The following XPNPEP3 variants were observed in gnomAD, a reference collection of about 807,000 sequenced individuals.
The protein encoded by XPNPEP3 is xaa-Pro aminopeptidase 3.
Under a neutral mutation model 60.0 loss-of-function variants are expected in XPNPEP3, and 41 were observed. The observed-to-expected ratio is 0.68, with a 90% CI of 0.53 to 0.89. The LOEUF (loss-of-function observed/expected upper bound fraction) is 0.89, where lower values mean the gene tolerates loss of function less well. Among genes scored for constraint, XPNPEP3 ranks in the 40% least tolerant of loss-of-function variants. The pLI, the probability that XPNPEP3 is intolerant of heterozygous loss-of-function variation, is 0.00. For synonymous variants in XPNPEP3, 212 were observed against 223.2 expected (o/e 0.95, Z 0.45); for missense variants, 598 against 638.9 (o/e 0.94, Z 0.69).
At chr22:40,899,837 AG>A (rs56393996) in intron 4 of XPNPEP3, among the ~76,000 whole-genome samples, 46,390 of 135,628 alleles carry the variant, frequency 0.34, 9,128 homozygotes, top group East Asian at 0.68. Flanking sequence ...AAAAAAAAAA[AG>A]GAATGAAGTT....
chr22:40,910,707 A>T (rs768171971), intron 6 of XPNPEP3, among the ~76,000 whole-genome samples: 10 of 151,874 alleles, frequency 6.6e-5, no homozygotes, highest in Non-Finnish European at 1.5e-4. Flanking sequence ...CCCTGTCTTT[A>T]AAAAAAATAA....
chr22:40,926,745 G>T lies in XPNPEP3; in HGVS notation c.*310G>T. ...TGGTTACACATGTCCATGCATTCCA[G>T]TTAACACATTTAAACATATAGAAAA... On this transcript the variant is annotated 3_prime_UTR_variant, in exon 10 of 10. Coordinates refer to ENST00000357137, the MANE Select transcript of XPNPEP3 (RefSeq NM_022098.4). 1 of 401,644 alleles carries T rather than the reference G, an allele frequency of 2.5e-6. No homozygotes were observed. The allele number at this position is 401,644 out of a possible 1,614,324, so 24.9% of individuals were successfully genotyped here. A position where few individuals can be genotyped will look rare whatever the true frequency, so the allele number is the denominator to read the frequency against.
rs114083718 is a variant in XPNPEP3, at chr22:40,877,350, A to G, written c.182-4420A>G. Among the ~76,000 whole-genome samples the G allele has an allele frequency of 7.7e-3, 1,168 of 152,346 alleles. 17 individuals carry two copies. Among genetic ancestry groups the G allele is most frequent in the African/African-American group, 0.027 (1,115 of 41,566 alleles). ...AATATTAAGCAGACTTCTTTTCAAA[A>G]TCAGACCATGTTAAAATTCTAATCT... On this transcript the variant is annotated intron_variant, in intron 2 of 9. Transcript: ENST00000357137.
At chr22:40,860,509 G>A (rs1026221495) in intron 1 of XPNPEP3, 1 of 576,058 alleles carries the variant, frequency 1.7e-6, no homozygotes, top group Non-Finnish European at 2.7e-6. Context: ...GTCTGAACCT[G>A]TGTGTCTTGA....
In XPNPEP3 at chr22:40,928,066, C is replaced by T. The variant is rs2058241410; in HGVS notation, c.*1631C>T. The T allele has an allele frequency of 6.6e-6, 1 of 152,048 alleles. No homozygotes were observed. Among genetic ancestry groups the T allele is most frequent in the Non-Finnish European group, 1.5e-5 (1 of 68,042 alleles). The allele number at this position is 152,048 out of a possible 1,614,324, so 9.4% of individuals were successfully genotyped here. ...GCGCCCAGTTTTCAGAGAAGTACCC[C>T]TGTTATCATTCTGTGATTTCCTCTA... On this transcript the variant is annotated 3_prime_UTR_variant, in exon 10 of 10. Coordinates refer to ENST00000357137, the MANE Select transcript of XPNPEP3 (RefSeq NM_022098.4).
chr22:40,891,535 C>T (rs1215455144), intron 4 of XPNPEP3, among the ~76,000 whole-genome samples: 3 of 152,134 alleles, frequency 2.0e-5, no homozygotes, highest in East Asian at 1.9e-4. Flanking sequence ...CGCCTGTAGT[C>T]CCAGCTACTT....
chr22:40,868,670 C>T (rs1429330329), intron 1 of XPNPEP3, among the ~76,000 whole-genome samples: 2 of 151,972 alleles, frequency 1.3e-5, no homozygotes, highest in Non-Finnish European at 2.9e-5. Flanking sequence ...GCCTGGCCAA[C>T]AGGATTAAAC....
At chr22:40,893,459 A>G (rs2058096107) in intron 4 of XPNPEP3, among the ~76,000 whole-genome samples, 1 of 141,696 alleles carries the variant, frequency 7.1e-6, no homozygotes, top group Admixed American at 7.3e-5. Context: ...CAGCCGAGAT[A>G]GCGCCATTGC....
intron 7 of XPNPEP3, among the ~76,000 whole-genome samples, chr22:40,919,143 G>A (rs1703807969): frequency 6.6e-6 from 1 of 152,100 alleles, no homozygotes; most frequent in African/African-American, 2.4e-5. Flanking sequence ...TTTTAAAGCT[G>A]AAAAGTACAT....
chr22:40,897,369 C>T (rs902092041), intron 4 of XPNPEP3, among the ~76,000 whole-genome samples: 15 of 152,042 alleles, frequency 9.9e-5, no homozygotes, highest in Non-Finnish European at 2.9e-5. Context: ...TGGGTTGTTT[C>T]CATCTTTTGG....
At chr22:40,895,158 A>G (rs1000634369) in intron 4 of XPNPEP3, among the ~76,000 whole-genome samples, 7 of 152,102 alleles carry the variant, frequency 4.6e-5, no homozygotes, top group African/African-American at 1.7e-4. Flanking sequence ...AATAATTGAA[A>G]GGAGGGATCC....
In XPNPEP3 at chr22:40,861,200, A is replaced by G. The variant is rs780386714; in HGVS notation, c.64+3955A>G. 1.1e-5 allele frequency: 17 copies of G among 1,613,872 alleles called. No homozygotes were observed. The South Asian group carries it at 1.9e-4, about 18-fold the overall frequency. ...TAACCCAAGATATACCTCCCTCATC[A>G]TTGTCCACGAAAGTATATTGAGATA... On this transcript the variant is annotated intron_variant, in intron 1 of 9. Transcript: ENST00000357137.
chr22:40,891,521 C>G (rs974702042), intron 4 of XPNPEP3, among the ~76,000 whole-genome samples: 2 of 151,854 alleles, frequency 1.3e-5, no homozygotes, highest in African/African-American at 2.4e-5. Context: ...GGCGTGGTGG[C>G]GGGCGCCTGT....
chr22:40,877,019 G>A (rs1206333741), intron 2 of XPNPEP3, among the ~76,000 whole-genome samples: 1 of 152,160 alleles, frequency 6.6e-6, no homozygotes, highest in African/African-American at 2.4e-5. Context: ...TGCTCCTCCA[G>A]TCAGTCTCCA....
chr22:40,906,420 C>CAA (rs11440795), intron 4 of XPNPEP3, among the ~76,000 whole-genome samples: 3,410 of 104,940 alleles, frequency 0.032, 142 homozygotes, highest in African/African-American at 0.11. Flanking sequence ...GACTCTGTCT[C>CAA]AAAAAAAAAA....
intron 6 of XPNPEP3, 43 bp from the exon 7 acceptor site, chr22:40,914,196 A>G: frequency 6.5e-7 from 1 of 1,537,224 alleles, no homozygotes. Context: ...AACAACTTAT[A>G]ATCATGAGCT....
At chr22:40,904,460 C>T (rs139639139) in intron 4 of XPNPEP3, among the ~76,000 whole-genome samples, 112 of 152,242 alleles carry the variant, frequency 7.4e-4, no homozygotes, top group Admixed American at 3.2e-3. Context: ...ATCGCTTGAG[C>T]CCAGGAGTTC....
At chr22:40,860,533 T>C (rs2145764427) in intron 1 of XPNPEP3, 1 of 751,214 alleles carries the variant, frequency 1.3e-6, no homozygotes, top group Non-Finnish European at 1.9e-6. Flanking sequence ...ATTCTTGTCT[T>C]CTAATGCTAT....
chr22:40,907,367 G>T (rs1217428166), intron 4 of XPNPEP3, among the ~76,000 whole-genome samples: 2 of 152,008 alleles, frequency 1.3e-5, no homozygotes, highest in South Asian at 4.1e-4. Context: ...CTTGCAGTGA[G>T]CCGAGATCGC....
Sources: gnomAD v4.1 joint callset for allele counts (sites outside exome capture counted in the v4.1 genomes callset) on GRCh38, gnomAD v4.1.1 for gene constraint, MANE v1.5 for transcripts, NCBI Gene and HGNC (gene_info 2026-07-23, HGNC 2026-07-21) for gene names.